The following PNPLA5 variants were observed in gnomAD, a reference collection of about 807,000 sequenced individuals.
PNPLA5 encodes patatin-like phospholipase domain-containing protein 5.
PNPLA5 carries 44 observed loss-of-function variants against 49.1 expected under a neutral mutation model. The observed-to-expected ratio is 0.90, with a 90% confidence interval of 0.70 to 1.15. The LOEUF is 1.15. Ranked by LOEUF, PNPLA5 falls within the 50% of genes most tolerant of loss-of-function variation. The probability of loss-of-function intolerance (pLI) is 0.00; values close to 1 mark genes in which losing one functional copy is unlikely to be tolerated. For synonymous variants in PNPLA5, 243 were observed against 244.4 expected, an observed-to-expected ratio of 0.99 and a Z score of 0.06; for missense variants, 603 against 564.0, an observed-to-expected ratio of 1.07 and a Z score of -0.70.
At position 43,879,892 on chromosome 22, in the gene PNPLA5, A is replaced by G. The variant is rs148203745; in HGVS notation, c.*903T>C. 2 of 152,160 alleles carry G rather than the reference A, an allele frequency of 1.3e-5. No homozygotes were observed. Among genetic ancestry groups the G allele is most frequent in the Admixed American group, 6.5e-5 (1 of 15,270 alleles). The allele number at this position is 152,160 out of a possible 1,614,324, so 9.4% of individuals were successfully genotyped here. The stretch of plus-strand genomic sequence containing the variant: ...TTTTTTTTAGAGACAGGGTCTTGCT[A>G]TGCTGCCCAGGCTGGTCATTTTTCT... On this transcript the variant is annotated 3_prime_UTR_variant, in exon 9 of 9. Coordinates refer to ENST00000216177, the MANE Select transcript of PNPLA5 (RefSeq NM_138814.4).
chr22:43,891,065 G>T lies in PNPLA5; in HGVS notation c.423C>A (p.Ile141=). 6.2e-7 allele frequency: 1 copy of T among 1,608,194 alleles called. No homozygotes were observed. Among genetic ancestry groups the T allele is most frequent in the Non-Finnish European group, 8.5e-7 (1 of 1,178,278 alleles). ...VTDFATCDEL[I]QALVCTLYFP... ...CTGGGCACCCCCCGCCCCACACCTG[G>T]ATGAGCTCATCGCAGGTGGCGAAGT... is the stretch of plus-strand genomic sequence containing the variant. The change falls in exon 2 of 9, where the codon ATC becomes ATA. Residue 141 remains isoleucine, a synonymous_variant. Transcript: ENST00000216177.
At chr22:43,891,339 C>T in intron 1 of PNPLA5, 45 bp from the exon 2 acceptor site, 2 of 1,515,372 alleles carry the variant, frequency 1.3e-6, no homozygotes, top group Non-Finnish European at 1.8e-6. Context: ...CCCAGGGATC[C>T]TGCCAGTCCC....
At chr22:43,882,875 A>G (rs772260797) in intron 7 of PNPLA5, among the ~76,000 whole-genome samples, 10 of 152,068 alleles carry the variant, frequency 6.6e-5, no homozygotes, top group Non-Finnish European at 1.0e-4. Flanking sequence ...AATTTTTGAA[A>G]ATACAGGTCC....
Position 43,887,497 on chromosome 22 carries a change from G to T in PNPLA5, c.763+94C>A, listed in dbSNP as rs1003293758. 5.6e-6 allele frequency: 8 copies of T among 1,417,888 alleles called. No individual in the cohort carries two copies. In the African/African-American group the frequency reaches 1.0e-4, roughly 18 times the overall value. 87.8% of individuals were successfully genotyped at this position (1,417,888 alleles called of 1,614,324 possible). ...AGATGATGAGGAAGAGACTGAGTTA[G>T]CCCATGTCCCTAGCAGCTCAAAGGC... On this transcript the variant is annotated intron_variant, in intron 5 of 8. Transcript: ENST00000216177.
chr22:43,881,176 G>A (rs1002484818), intron 8 of PNPLA5, among the ~76,000 whole-genome samples: 1 of 152,192 alleles, frequency 6.6e-6, no homozygotes, highest in Non-Finnish European at 1.5e-5. Context: ...CAGAGAAGAG[G>A]GACCAGGCCA....
At chr22:43,887,753 G>T in intron 4 of PNPLA5, 102 bp from the exon 5 acceptor site, 1 of 1,539,648 alleles carries the variant, frequency 6.5e-7, no homozygotes. Context: ...AATAGTCCCA[G>T]CCCAGCCTAT....
chr22:43,881,230 C>T (rs1054427828), intron 8 of PNPLA5, among the ~76,000 whole-genome samples: 7 of 152,188 alleles, frequency 4.6e-5, no homozygotes, highest in Non-Finnish European at 7.4e-5. Context: ...TCCAAGGTCA[C>T]GTGGGGACGT....
intron 4 of PNPLA5, 186 bp from the exon 5 acceptor site, chr22:43,887,837 C>G: frequency 1.1e-6 from 1 of 888,176 alleles, no homozygotes; most frequent in Non-Finnish European, 1.3e-6. Context: ...CAGGAGGGGC[C>G]AGAGGCCTGC....
At chr22:43,890,180 C>T (rs1202789997) in intron 2 of PNPLA5, 1 of 574,788 alleles carries the variant, frequency 1.7e-6, no homozygotes, top group Non-Finnish European at 2.2e-6. Context: ...TGGGATGGGG[C>T]CTGGCACATA....
Position 43,889,558 on chromosome 22 carries a change from G to A in PNPLA5, c.493-20C>T. ...GTAGCGCTGCAATTTGTGGGGAGCAGGTGGGTGGTGCTGCCCTCTCAGAGG... is the reference window on the plus strand; with the variant it reads ...GTAGCGCTGCAATTTGTGGGGAGCAAGTGGGTGGTGCTGCCCTCTCAGAGG... On this transcript the variant is annotated intron_variant, in intron 3 of 8. Transcript: ENST00000216177. 1 of 1,585,050 alleles carries A rather than the reference G, an allele frequency of 6.3e-7. No homozygotes were observed. Among genetic ancestry groups the A allele is most frequent in the East Asian group, 2.2e-5 (1 of 44,622 alleles).
At chr22:43,884,116 A>G in intron 7 of PNPLA5, 97 bp downstream of exon 7, 4 of 510,122 alleles carry the variant, frequency 7.8e-6, no homozygotes, top group Non-Finnish European at 1.3e-5. Context: ...CACCCCGCCG[A>G]GCCCTACCCA....
rs1556474622 is a variant in PNPLA5, at chr22:43,880,225, T to TGGGATCCTGAAAAGACCC, written c.*569_*570insGGGTCTTTTCAGGATCCC. The TGGGATCCTGAAAAGACCC allele has an allele frequency of 2.5e-6, 1 of 393,784 alleles. No homozygotes were observed. The allele number at this position is 393,784 out of a possible 1,614,324, so 24.4% of individuals were successfully genotyped here. Reference sequence around the variant, plus strand: ...CCACAGCTGGGATCCTGAAAAGACCTGGACCCCCCTCTCCTCCTCCTCCTG... The same window carrying TGGGATCCTGAAAAGACCC: ...CCACAGCTGGGATCCTGAAAAGACCTGGGATCCTGAAAAGACCCGGACCCCCCTCTCCTCCTCCTCCTG... On this transcript the variant is annotated 3_prime_UTR_variant, in exon 9 of 9. Transcript: ENST00000216177.
chr22:43,887,345 C>A (rs2049676144), intron 5 of PNPLA5, among the ~76,000 whole-genome samples: 2 of 152,224 alleles, frequency 1.3e-5, no homozygotes, highest in Admixed American at 6.5e-5. Flanking sequence ...TGTCACTACA[C>A]CCATCTCCCT....
At chr22:43,891,401 T>A in intron 1 of PNPLA5, 107 bp from the exon 2 acceptor site, 1 of 1,427,576 alleles carries the variant, frequency 7.0e-7, no homozygotes, top group Non-Finnish European at 9.1e-7. Flanking sequence ...TCCTCCCCAC[T>A]CCAGCTCAGA....
intron 7 of PNPLA5, among the ~76,000 whole-genome samples, chr22:43,881,948 C>T (rs1225581403): frequency 2.6e-5 from 4 of 152,140 alleles, no homozygotes; most frequent in South Asian, 2.1e-4. Flanking sequence ...AAGTAGGAAG[C>T]GCAGGGAGGG....
At chr22:43,891,442 T>A in intron 1 of PNPLA5, 148 bp from the exon 2 acceptor site, 2 of 1,400,710 alleles carry the variant, frequency 1.4e-6, no homozygotes, top group Non-Finnish European at 1.9e-6. Flanking sequence ...ATTCAAATGA[T>A]CCGTTCACCT....
intron 3 of PNPLA5, 83 bp downstream of exon 3, chr22:43,889,716 T>C: frequency 2.0e-6 from 3 of 1,535,652 alleles, no homozygotes; most frequent in Non-Finnish European, 2.6e-6. Flanking sequence ...CAAGGAGCGC[T>C]GGTTTCCTCC....
chr22:43,885,430 T>C (rs1217469128), intron 6 of PNPLA5, among the ~76,000 whole-genome samples: 2 of 86,298 alleles, frequency 2.3e-5, no homozygotes, highest in African/African-American at 8.8e-5. Context: ...CCCACCTCAC[T>C]TGCTCCTCCC....
Position 43,880,789 on chromosome 22 carries a change from G to GC in PNPLA5, c.*5dup, listed in dbSNP as rs780021321. 3.0e-6 allele frequency: 4 copies of GC among 1,327,000 alleles called. No homozygotes were observed. The highest frequency in any genetic ancestry group is 2.9e-6 in the Non-Finnish European group (3 of 1,032,780). 82.2% of individuals were successfully genotyped at this position (1,327,000 alleles called of 1,614,324 possible). On this transcript the variant is annotated 3_prime_UTR_variant, in exon 9 of 9. Coordinates refer to ENST00000216177, the MANE Select transcript of PNPLA5 (RefSeq NM_138814.4). ...CCAGTCACTGGGCTGGCCCTGCTCGGCCCCCTCAGGCCTGGTGGGTGGGCC... is the reference window on the plus strand; with the variant it reads ...CCAGTCACTGGGCTGGCCCTGCTCGGCCCCCCTCAGGCCTGGTGGGTGGGCC...
Sources: allele counts gnomAD v4.1 joint callset (sites outside exome capture counted in the v4.1 genomes callset), GRCh38; gene constraint gnomAD v4.1.1; transcripts MANE v1.5; gene names NCBI Gene and HGNC (gene_info 2026-07-23, HGNC 2026-07-21).